HMGA2: variants seen among roughly 807,000 people sequenced by gnomAD.
HMGA2 encodes high mobility group AT-hook 2.
HMGA2 carries 8 observed loss-of-function variants against 19.1 expected under a neutral mutation model. That is an observed-to-expected ratio of 0.42 (90% confidence interval 0.25 to 0.76). The LOEUF (loss-of-function observed/expected upper bound fraction) is 0.76, where lower values mean the gene tolerates loss of function less well. Among genes scored for constraint, HMGA2 ranks in the 30% least tolerant of loss-of-function variants. HMGA2 has a pLI of 0.28. For missense variants in HMGA2, 109 were observed against 136.3 expected, an observed-to-expected ratio of 0.80 and a Z score of 1.00; for synonymous variants, 60 against 48.8, an observed-to-expected ratio of 1.23 and a Z score of -0.96.
At chr12:65,910,301 G>C (rs1874789428) in intron 3 of HMGA2, among the ~76,000 whole-genome samples, 1 of 152,162 alleles carries the variant, frequency 6.6e-6, no homozygotes, top group Non-Finnish European at 1.5e-5. Context: ...CCATCACCAA[G>C]AGCAGATACC....
intron 3 of HMGA2, among the ~76,000 whole-genome samples, chr12:65,913,647 T>C (rs1480934609): frequency 1.3e-5 from 2 of 152,174 alleles, no homozygotes; most frequent in Non-Finnish European, 2.9e-5. Context: ...ATTGAAAGAA[T>C]ATGGACTGTG....
intron 4 of HMGA2, chr12:65,958,163 T>C (rs1876653480): frequency 6.6e-6 from 1 of 152,220 alleles, no homozygotes; most frequent in African/African-American, 2.4e-5. Flanking sequence ...CTTCTTTACA[T>C]TAAACATGCC....
chr12:65,934,613 T>C (rs1052404225), intron 3 of HMGA2, among the ~76,000 whole-genome samples: 1 of 152,206 alleles, frequency 6.6e-6, no homozygotes, highest in Non-Finnish European at 1.5e-5. Flanking sequence ...CCCACAAATG[T>C]CATCTGTTTG....
Position 65,825,354 on chromosome 12 carries a change from A to G in HMGA2, c.84A>G (p.Gly28=). 6.5e-7 allele frequency: 1 copy of G among 1,534,688 alleles called. No homozygotes were observed. Among genetic ancestry groups the G allele is most frequent in the Non-Finnish European group, 8.7e-7 (1 of 1,144,534 alleles). The change falls in exon 1 of 5, where the codon GGA becomes GGG. Residue 28 remains glycine (G), a synonymous_variant. Coordinates refer to ENST00000403681, the MANE Select transcript of HMGA2 (RefSeq NM_003483.6). The surrounding 1 kb of genome is among the most constrained non-coding windows in gnomAD (Gnocchi z 4.4). ...CCGCCCCAGCGCCTCAGAAGAGAGG[A>G]CGCGGCCGCCCCAGGAAGCAGCAGC... ...QPAAPAPQKR[G]RGRPRKQQQE... is the part of the protein sequence containing the mutation.
rs1420473286 is a variant in HMGA2 at position 65,966,053 on chromosome 12, G to T, written c.*2761G>T. On this transcript the variant is annotated 3_prime_UTR_variant, in exon 5 of 5. Coordinates refer to ENST00000403681, the MANE Select transcript of HMGA2 (RefSeq NM_003483.6). ...GAGAAAAGTATCAAGACGTTTAACT[G>T]CAGTTGACTTTCTCCCTGTTCCTTT... is the stretch of plus-strand genomic sequence containing the variant. The T allele has an allele frequency of 4.5e-6, 1 of 220,434 alleles. No individual in the cohort carries two copies. The highest frequency in any genetic ancestry group is 9.1e-6 in the Non-Finnish European group (1 of 109,690). The allele number at this position is 220,434 out of a possible 1,614,324, so 13.7% of individuals were successfully genotyped here. A position where few individuals can be genotyped will look rare whatever the true frequency, so the allele number is the denominator to read the frequency against.
rs1876158771 is a variant in HMGA2 at position 65,943,477 on chromosome 12, A to C, written c.250-7906A>C. ...ACACTAACTAGAGCAGCTTGTGGCT[A>C]TTCTCATCCTTGAGCAGATGAAACA... is the stretch of plus-strand genomic sequence containing the variant. On this transcript the variant is annotated intron_variant, in intron 3 of 4. Coordinates refer to ENST00000403681, the MANE Select transcript of HMGA2 (RefSeq NM_003483.6). 2.0e-5 allele frequency among the ~76,000 whole-genome samples: 3 copies of C among 152,190 alleles called. 1 individual carries two copies. In the South Asian group the frequency reaches 6.2e-4, roughly 32 times the overall value.
chr12:65,882,151 C>A, intron 3 of HMGA2: 1 of 401,892 alleles, frequency 2.5e-6, no homozygotes, highest in East Asian at 5.5e-5. Context: ...GGGCAGGCGG[C>A]GAGGTCTTGC....
At chr12:65,939,608 G>A (rs1876018786) in intron 3 of HMGA2, among the ~76,000 whole-genome samples, 1 of 152,100 alleles carries the variant, frequency 6.6e-6, no homozygotes, top group African/African-American at 2.4e-5. Flanking sequence ...CCCCTGCCTT[G>A]GCCTCCCAAA....
At chr12:65,851,995 T>A (rs897723320) in intron 3 of HMGA2, among the ~76,000 whole-genome samples, 68 of 151,798 alleles carry the variant, frequency 4.5e-4, no homozygotes, top group Non-Finnish European at 1.3e-4. Flanking sequence ...GTGGTCAGAA[T>A]AATATAAGAA....
intron 3 of HMGA2, among the ~76,000 whole-genome samples, chr12:65,914,086 G>A (rs974655372): frequency 2.2e-4 from 34 of 152,104 alleles, no homozygotes; most frequent in Admixed American, 8.5e-4. Context: ...TCAGTGTGGC[G>A]ATTCCTCAGG....
intron 3 of HMGA2, among the ~76,000 whole-genome samples, chr12:65,949,156 A>G (rs1565740815): frequency 6.6e-6 from 1 of 152,206 alleles, no homozygotes; most frequent in Non-Finnish European, 1.5e-5. Context: ...AGAAAACATC[A>G]TCTCAAAACT....
In HMGA2 at chr12:65,825,351, A is replaced by G; in HGVS notation, c.81A>G (p.Arg27=). 1 of 1,535,680 alleles carries G rather than the reference A, an allele frequency of 6.5e-7. No homozygotes were observed. Among genetic ancestry groups the G allele is most frequent in the Non-Finnish European group, 8.7e-7 (1 of 1,144,958 alleles). Residue 27 remains arginine, a synonymous_variant, in exon 1 of 5, where the codon AGA becomes AGG. Transcript: ENST00000403681. The surrounding 1 kb of genome is among the most constrained non-coding windows in gnomAD (Gnocchi z 4.4). ...CTGCCGCCCCAGCGCCTCAGAAGAG[A>G]GGACGCGGCCGCCCCAGGAAGCAGC... ...GQPAAPAPQK[R]GRGRPRKQQQ...
intron 3 of HMGA2, among the ~76,000 whole-genome samples, chr12:65,931,921 A>C (rs1359088471): frequency 6.6e-6 from 1 of 152,192 alleles, no homozygotes; most frequent in Non-Finnish European, 1.5e-5. Context: ...TCTCTCAAAA[A>C]AATAAAATAA....
At chr12:65,859,934 AT>A (rs1871962794) in intron 3 of HMGA2, 3 of 303,624 alleles carry the variant, frequency 9.9e-6, no homozygotes, top group South Asian at 2.8e-5. Context: ...AAAAAAAAAA[AT>A]TAAAAATTAG....
intron 3 of HMGA2, among the ~76,000 whole-genome samples, chr12:65,867,959 G>T (rs1360502665): frequency 5.3e-5 from 8 of 152,160 alleles, no homozygotes; most frequent in Admixed American, 3.3e-4. Context: ...CTCTGCCACT[G>T]GCCACAGCAC....
chr12:65,862,258 A>G (rs1872132305), intron 3 of HMGA2, among the ~76,000 whole-genome samples: 1 of 140,808 alleles, frequency 7.1e-6, no homozygotes, highest in Admixed American at 7.6e-5. Context: ...GTTATAACAA[A>G]TTTACCAAAA....
chr12:65,835,698 C>G (rs1017523386), intron 2 of HMGA2, among the ~76,000 whole-genome samples: 1 of 152,158 alleles, frequency 6.6e-6, no homozygotes, highest in East Asian at 1.9e-4. Flanking sequence ...CAGTGAAACT[C>G]TTTCAGAAAA....
In HMGA2 at chr12:65,878,178, C is replaced by G. The variant is rs572140824; in HGVS notation, c.249+39609C>G. Among the ~76,000 whole-genome samples, 7 of 152,306 alleles carry G rather than the reference C, an allele frequency of 4.6e-5. 1 individual carries two copies. The South Asian group carries it at 8.3e-4, about 18-fold the overall frequency. On this transcript the variant is annotated intron_variant, in intron 3 of 4. Transcript: ENST00000403681. ...CATTTTGAACTGGAGCCATAGAAAA[C>G]TGTTTTTAAGCTTCTTAAAATGGTT...
At chr12:65,960,169 G>C (rs371331151) in intron 4 of HMGA2, among the ~76,000 whole-genome samples, 37 of 152,302 alleles carry the variant, frequency 2.4e-4, no homozygotes, top group African/African-American at 8.4e-4. Flanking sequence ...GATTACAGGC[G>C]TAAGCCACCA....
Sources: allele counts gnomAD v4.1 joint callset (sites outside exome capture counted in the v4.1 genomes callset), GRCh38; gene constraint gnomAD v4.1.1; non-coding constraint Gnocchi (gnomAD v3.1); transcripts MANE v1.5; gene names NCBI Gene and HGNC (gene_info 2026-07-23, HGNC 2026-07-21).